The following ADCK1 variants were observed in gnomAD, a reference collection of about 807,000 sequenced individuals.
ADCK1 encodes the protein aarF domain containing kinase 1.
In ADCK1, 41 loss-of-function variants were observed where a neutral mutation model predicts 52.3. The ratio of observed to expected loss-of-function variants is 0.78; its 90% confidence interval spans 0.61 to 1.02. The LOEUF is 1.02. Ranked by LOEUF, ADCK1 falls within the 50% of genes least tolerant of loss-of-function variation. The probability of loss-of-function intolerance (pLI) is 0.00; values close to 1 mark genes in which losing one functional copy is unlikely to be tolerated. For synonymous variants in ADCK1, 250 were observed against 274.6 expected (o/e 0.91, Z 0.89); for missense variants, 658 against 679.5 (o/e 0.97, Z 0.35).
At position 77,923,435 on chromosome 14, in the gene ADCK1, C is replaced by CACTTTGT. The variant is rs1225255983; in HGVS notation, c.859-1021_859-1020insCTTTGTA. On this transcript the variant is annotated intron_variant, in intron 7 of 10. Coordinates refer to ENST00000238561, the MANE Select transcript of ADCK1 (RefSeq NM_020421.4). This position sits in a 1 kb window ranked among gnomAD's most constrained non-coding sequence, Gnocchi z 4.3. ...GTGTGAGATGAGACCAGGCAGGAGGCAGGGCCTGGTCAGGTAGGACTTTGT... is the reference window on the plus strand; with the variant it reads ...GTGTGAGATGAGACCAGGCAGGAGGCACTTTGTAGGGCCTGGTCAGGTAGGACTTTGT... 1 of 152,276 alleles carries CACTTTGT rather than the reference C, an allele frequency of 6.6e-6. No homozygotes were observed. Among genetic ancestry groups the CACTTTGT allele is most frequent in the Admixed American group, 6.5e-5 (1 of 15,270 alleles). The allele number at this position is 152,276 out of a possible 1,614,324, so 9.4% of individuals were successfully genotyped here.
intron 4 of ADCK1, among the ~76,000 whole-genome samples, chr14:77,866,267 T>C (rs1231579150): frequency 8.5e-5 from 13 of 152,224 alleles, no homozygotes; most frequent in African/African-American, 3.1e-4. Context: ...AGTAAAAATA[T>C]GGTATTATTA....
intron 4 of ADCK1, among the ~76,000 whole-genome samples, chr14:77,881,528 A>T (rs576952404): frequency 6.6e-6 from 1 of 152,132 alleles, no homozygotes; most frequent in Non-Finnish European, 1.5e-5. Flanking sequence ...AAAATTATGG[A>T]CATGTTTTAT....
rs2084395958 is a variant in ADCK1 at position 77,933,726 on chromosome 14, G to C, written c.*335G>C. ...AGATGTGCCACGGGTGCCACTGGGGGCACACTGAACTTGTAGGGAGTGTGA... is the reference window on the plus strand; with the variant it reads ...AGATGTGCCACGGGTGCCACTGGGGCCACACTGAACTTGTAGGGAGTGTGA... On this transcript the variant is annotated 3_prime_UTR_variant, in exon 11 of 11. Coordinates refer to ENST00000238561, the MANE Select transcript of ADCK1 (RefSeq NM_020421.4). The C allele has an allele frequency of 3.9e-6, 1 of 258,694 alleles. No homozygotes were observed. Among genetic ancestry groups the C allele is most frequent in the South Asian group, 1.0e-4 (1 of 10,040 alleles). The allele number at this position is 258,694 out of a possible 1,614,324, so 16.0% of individuals were successfully genotyped here. A position where few individuals can be genotyped will look rare whatever the true frequency, so the allele number is the denominator to read the frequency against.
At chr14:77,841,314 C>T (rs768890699) in intron 3 of ADCK1, among the ~76,000 whole-genome samples, 18 of 152,112 alleles carry the variant, frequency 1.2e-4, no homozygotes, top group South Asian at 2.1e-4. Context: ...CGGAACAACA[C>T]GGAACCCCAT....
chr14:77,902,506 T>TAATG (rs1268995177), intron 6 of ADCK1: 1 of 152,234 alleles, frequency 6.6e-6, no homozygotes, highest in Non-Finnish European at 1.5e-5. Context: ...CTAATTAGCA[T>TAATG]AATGCTATAG....
chr14:77,812,305 C>G (rs2140008917), intron 1 of ADCK1, among the ~76,000 whole-genome samples: 1 of 152,280 alleles, frequency 6.6e-6, no homozygotes, highest in East Asian at 1.9e-4. Context: ...ACCCCCAGCC[C>G]CTGGTAACCA....
At chr14:77,841,030 G>A (rs2082055976) in intron 3 of ADCK1, among the ~76,000 whole-genome samples, 2 of 152,134 alleles carry the variant, frequency 1.3e-5, no homozygotes, top group African/African-American at 4.8e-5. Context: ...TAGATTCCAG[G>A]GAGCTGGACA....
At chr14:77,887,328 TC>T (rs2083181891) in intron 5 of ADCK1, 79 bp downstream of exon 5, 1 of 1,440,894 alleles carries the variant, frequency 6.9e-7, no homozygotes, top group South Asian at 1.5e-5. Flanking sequence ...TGGAACTGGT[TC>T]AAGCTGGTGA....
intron 5 of ADCK1, among the ~76,000 whole-genome samples, chr14:77,898,567 C>A (rs1025239197): frequency 1.3e-5 from 2 of 152,094 alleles, no homozygotes; most frequent in Non-Finnish European, 2.9e-5. Flanking sequence ...CGCTTGTTCT[C>A]ACTTATAAGT....
At chr14:77,861,136 T>G (rs2082536581) in intron 4 of ADCK1, among the ~76,000 whole-genome samples, 1 of 152,190 alleles carries the variant, frequency 6.6e-6, no homozygotes, top group South Asian at 2.1e-4. Flanking sequence ...ACAGTGGCCA[T>G]GTGGCTCCTG....
At chr14:77,858,039 G>T (rs2082458779) in intron 3 of ADCK1, among the ~76,000 whole-genome samples, 1 of 152,152 alleles carries the variant, frequency 6.6e-6, no homozygotes, top group Non-Finnish European at 1.5e-5. Flanking sequence ...CCCAACTCTG[G>T]AAGGACCGGT....
Position 77,824,856 on chromosome 14 carries a change from C to T in ADCK1, c.219+2338C>T, listed in dbSNP as rs534932878. Among the ~76,000 whole-genome samples the T allele has an allele frequency of 8.1e-4, 123 of 152,324 alleles. 2 individuals are homozygous for T. The South Asian group carries it at 0.025, about 31-fold the overall frequency. ...TCTATAACATTTCGTCGCTCTCCCT[C>T]TTTTTTGAGTTGTTTGTTGAAGAAA... On this transcript the variant is annotated intron_variant, in intron 3 of 10. Transcript: ENST00000238561.
intron 4 of ADCK1, among the ~76,000 whole-genome samples, chr14:77,885,277 A>T (rs1232004467): frequency 6.6e-6 from 1 of 152,220 alleles, no homozygotes; most frequent in Non-Finnish European, 1.5e-5. Context: ...GGGAGTCTAG[A>T]ATTCACGAAG....
At chr14:77,867,281 T>TC (rs1234659025) in intron 4 of ADCK1, among the ~76,000 whole-genome samples, 1 of 152,106 alleles carries the variant, frequency 6.6e-6, no homozygotes, top group Non-Finnish European at 1.5e-5. Flanking sequence ...CCCCAGACTG[T>TC]CCCCAAGAAG....
At chr14:77,842,708 G>A (rs1341286193) in intron 3 of ADCK1, among the ~76,000 whole-genome samples, 1 of 149,654 alleles carries the variant, frequency 6.7e-6, no homozygotes, top group Admixed American at 6.7e-5. Flanking sequence ...GCACCACCAC[G>A]CCCAGCTAAT....
At chr14:77,924,273 A>C in intron 7 of ADCK1, 184 bp from the exon 8 acceptor site, 1 of 711,408 alleles carries the variant, frequency 1.4e-6, no homozygotes, top group Non-Finnish European at 2.2e-6. Context: ...AGGTGCAGCT[A>C]AAGTTAAGAA....
At chr14:77,807,517 T>G (rs1386600284) in intron 1 of ADCK1, among the ~76,000 whole-genome samples, 1 of 151,212 alleles carries the variant, frequency 6.6e-6, no homozygotes, top group Non-Finnish European at 1.5e-5. Flanking sequence ...AATTTTTTTT[T>G]TTTTTTTTTG....
At position 77,849,577 on chromosome 14, in the gene ADCK1, G is replaced by C. The variant is rs138142900; in HGVS notation, c.220-9499G>C. Among the ~76,000 whole-genome samples, 7 of 152,170 alleles carry C rather than the reference G, an allele frequency of 4.6e-5. No individual in the cohort carries two copies. The East Asian group carries it at 1.4e-3, about 29-fold the overall frequency. ...CCACCTTTCAGCCACTCAAGTAGCT[G>C]GGACTACAGGCATATGCCACCATGC... On this transcript the variant is annotated intron_variant, in intron 3 of 10. Coordinates refer to ENST00000238561, the MANE Select transcript of ADCK1 (RefSeq NM_020421.4).
intron 5 of ADCK1, among the ~76,000 whole-genome samples, chr14:77,894,717 CTTTTTCTTTTCTTTTCTTGTTTTTTT>C (rs2083362553): frequency 3.2e-5 from 2 of 62,320 alleles, no homozygotes; most frequent in African/African-American, 9.7e-5. Context: ...CGTTTTATTT[CTTTTTCTTTTCTTTTCTTGTTTTTTT>C]TTTTTTTTTT....
Sources: gnomAD v4.1 joint callset for allele counts (sites outside exome capture counted in the v4.1 genomes callset) on GRCh38, gnomAD v4.1.1 for gene constraint, Gnocchi (gnomAD v3.1) non-coding constraint, MANE v1.5 for transcripts, NCBI Gene and HGNC (gene_info 2026-07-23, HGNC 2026-07-21) for gene names.